AHRR: variants seen among roughly 807,000 people sequenced by gnomAD.
AHRR encodes the protein aryl hydrocarbon receptor repressor.
Under a neutral mutation model 44.0 loss-of-function variants are expected in AHRR, and 28 were observed. The ratio of observed to expected loss-of-function variants is 0.64; its 90% CI spans 0.47 to 0.87. The LOEUF (loss-of-function observed/expected upper bound fraction) is 0.87, where lower values mean the gene tolerates loss of function less well. Among genes scored for constraint, AHRR ranks in the 40% least tolerant of loss-of-function variants. AHRR has a pLI of 0.00. For missense variants in AHRR, 990 were observed against 953.9 expected (o/e 1.04, Z -0.50); for synonymous variants, 434 against 407.0 (o/e 1.07, Z -0.80).
chr5:427,977 A>G lies in AHRR; in HGVS notation c.879A>G (p.Arg293=), dbSNP rs1736542508. 1 of 1,613,872 alleles carries G rather than the reference A, an allele frequency of 6.2e-7. No individual in the cohort carries two copies. Among genetic ancestry groups the G allele is most frequent in the Non-Finnish European group, 8.5e-7 (1 of 1,180,032 alleles). The change falls in exon 8 of 11, where the codon AGA becomes AGG. Residue 293 remains arginine (R), a synonymous_variant. Coordinates refer to ENST00000684583, the MANE Select transcript of AHRR (RefSeq NM_001377236.1). ...MRSALLRAKP[R]ADTAATADAK... is the part of the protein sequence containing the mutation. ...GCGCGCTCCTGAGGGCAAAACCCAG[A>G]GCAGACACCGCAGCCACCGCGGATG...
chr5:339,621 TG>T (rs1430031091), intron 1 of AHRR, among the ~76,000 whole-genome samples: 2 of 152,188 alleles, frequency 1.3e-5, no homozygotes, highest in African/African-American at 4.8e-5. Flanking sequence ...TTCATGGTCT[TG>T]GGGGGAAGCA....
chr5:426,319 G>A (rs1244507602), intron 7 of AHRR, among the ~76,000 whole-genome samples: 2 of 150,446 alleles, frequency 1.3e-5, no homozygotes, highest in African/African-American at 4.9e-5. Flanking sequence ...ATGGATGGTT[G>A]GATAGGAAGA....
chr5:364,767 A>G (rs1579625849), intron 3 of AHRR, among the ~76,000 whole-genome samples: 1 of 152,146 alleles, frequency 6.6e-6, no homozygotes, highest in East Asian at 1.9e-4. Context: ...TCTACACTCT[A>G]AGGGTACAGA....
At chr5:400,223 T>C (rs1734955891) in intron 4 of AHRR, among the ~76,000 whole-genome samples, 1 of 152,230 alleles carries the variant, frequency 6.6e-6, no homozygotes, top group Non-Finnish European at 1.5e-5. Flanking sequence ...ACAAAAATAA[T>C]CTTTGAAGTA....
rs1737103486 is a variant in AHRR, at chr5:436,845, G to A, written c.*2011G>A. 6.6e-6 allele frequency: 1 copy of A among 152,450 alleles called. No individual in the cohort carries two copies. The highest frequency in any genetic ancestry group is 6.5e-5 in the Admixed American group (1 of 15,292). 9.4% of individuals were successfully genotyped at this position (152,450 alleles called of 1,614,324 possible). ...GGAGAGCAGGCACCTGTGAAGACCA[G>A]GCACCTGAGGACTGGCGCCTACTTC... On this transcript the variant is annotated 3_prime_UTR_variant, in exon 11 of 11. Coordinates refer to ENST00000684583, the MANE Select transcript of AHRR (RefSeq NM_001377236.1).
At chr5:332,401 G>T (rs1397680379) in intron 1 of AHRR, among the ~76,000 whole-genome samples, 4 of 151,786 alleles carry the variant, frequency 2.6e-5, no homozygotes. Flanking sequence ...CTGAGTAGCT[G>T]GGACTACGGG....
intron 4 of AHRR, among the ~76,000 whole-genome samples, chr5:412,259 T>G (rs998610033): frequency 6.6e-6 from 1 of 152,186 alleles, no homozygotes; most frequent in South Asian, 2.1e-4. Context: ...CCATAGTTAA[T>G]GTAAAAAAAA....
intron 3 of AHRR, among the ~76,000 whole-genome samples, chr5:355,855 A>T (rs1743020675): frequency 1.3e-5 from 2 of 152,202 alleles, no homozygotes; most frequent in South Asian, 4.1e-4. Context: ...TTTCAGGAAT[A>T]AACTTCCTGA....
intron 2 of AHRR, among the ~76,000 whole-genome samples, chr5:349,443 G>T (rs1302501091): frequency 1.3e-5 from 2 of 152,042 alleles, no homozygotes; most frequent in African/African-American, 4.8e-5. Flanking sequence ...AGCCGGGCAC[G>T]GTGGCGGGCG....
At chr5:343,762 G>C (rs1579600637) in intron 1 of AHRR, 131 bp from the exon 2 acceptor site, 1 of 836,428 alleles carries the variant, frequency 1.2e-6, no homozygotes. Flanking sequence ...ACGAGGAGGA[G>C]CAGGAGGTGG....
chr5:375,902 A>C (rs1344924515), intron 3 of AHRR, among the ~76,000 whole-genome samples: 1 of 152,182 alleles, frequency 6.6e-6, no homozygotes, highest in Non-Finnish European at 1.5e-5. Context: ...TCTGCACCCA[A>C]AAATGGAGAA....
chr5:418,132 G>A (rs150085962), intron 5 of AHRR, among the ~76,000 whole-genome samples: 4 of 152,346 alleles, frequency 2.6e-5, no homozygotes, highest in African/African-American at 9.6e-5. Context: ...AGCTGCTAGA[G>A]TGAGCAGCAT....
At chr5:410,666 C>T (rs1735435975) in intron 4 of AHRR, among the ~76,000 whole-genome samples, 1 of 152,188 alleles carries the variant, frequency 6.6e-6, no homozygotes, top group Non-Finnish European at 1.5e-5. Context: ...GTGTATCTCT[C>T]AGTTTATTCA....
At chr5:409,605 A>C (rs1219462861) in intron 4 of AHRR, among the ~76,000 whole-genome samples, 1 of 152,038 alleles carries the variant, frequency 6.6e-6, no homozygotes, top group South Asian at 2.1e-4. Flanking sequence ...GCGTTACTCT[A>C]TCTCTTTTGG....
At chr5:367,889 G>A (rs761633500) in intron 3 of AHRR, 13 of 702,456 alleles carry the variant, frequency 1.9e-5, no homozygotes, top group Middle Eastern at 2.3e-4. Flanking sequence ...AGGAGGCCCC[G>A]AGCATTGGAC....
At chr5:348,319 G>T (rs1742746364) in intron 2 of AHRR, among the ~76,000 whole-genome samples, 1 of 151,834 alleles carries the variant, frequency 6.6e-6, no homozygotes, top group African/African-American at 2.4e-5. Context: ...GAAGCCACAG[G>T]GATTCCCCCC....
intron 4 of AHRR, among the ~76,000 whole-genome samples, chr5:391,244 C>G (rs1734401722): frequency 6.6e-6 from 1 of 152,168 alleles, no homozygotes; most frequent in Non-Finnish European, 1.5e-5. Flanking sequence ...GCTGCACACA[C>G]CTGGGTGACA....
chr5:415,543 G>T (rs367650559), intron 5 of AHRR, among the ~76,000 whole-genome samples: 36 of 74,980 alleles, frequency 4.8e-4, no homozygotes, highest in Admixed American at 8.9e-4. Context: ...CTGCCTGGTC[G>T]GGTGGGAGGC....
intron 2 of AHRR, among the ~76,000 whole-genome samples, chr5:348,841 G>A (rs1742765333): frequency 6.6e-6 from 1 of 152,234 alleles, no homozygotes; most frequent in African/African-American, 2.4e-5. Context: ...TATTTCTGTT[G>A]GATAAATACT....
Sources: allele counts gnomAD v4.1 joint callset (sites outside exome capture counted in the v4.1 genomes callset), GRCh38; gene constraint gnomAD v4.1.1; transcripts MANE v1.5; gene names NCBI Gene and HGNC (gene_info 2026-07-23, HGNC 2026-07-21).